Variants in ARL5C observed in about 807,000 individuals in gnomAD.
The protein encoded by ARL5C is putative ADP-ribosylation factor-like protein 5C.
Under a neutral mutation model 20.8 loss-of-function variants are expected in ARL5C, and 21 were observed. That is an observed-to-expected ratio of 1.01 (90% CI 0.72 to 1.46). The LOEUF is 1.46. Among genes scored for constraint, ARL5C ranks in the 40% most tolerant of loss-of-function variants. The pLI is 0.00. For synonymous variants in ARL5C, 71 were observed against 81.6 expected (o/e 0.87, Z 0.70); for missense variants, 199 against 225.1 (o/e 0.88, Z 0.74).
intron 5 of ARL5C, among the ~76,000 whole-genome samples, chr17:39,158,173 GAGGGAGGGAAAGA>G (rs1421795709): frequency 4.1e-5 from 6 of 146,084 alleles, no homozygotes; most frequent in Non-Finnish European, 9.0e-5. Context: ...GTGAGGGAGG[GAGGGAGGGAAAGA>G]AGGGAGGGAA....
intron 5 of ARL5C, among the ~76,000 whole-genome samples, chr17:39,159,118 AACT>A (rs2045421797): frequency 7.8e-6 from 1 of 128,574 alleles, no homozygotes; most frequent in Non-Finnish European, 1.6e-5. Context: ...TGCAGCCTGG[AACT>A]CCTGGGCTCA....
intron 5 of ARL5C, among the ~76,000 whole-genome samples, chr17:39,159,341 G>A (rs2045423455): frequency 1.4e-5 from 2 of 146,432 alleles, no homozygotes; most frequent in South Asian, 4.3e-4. Flanking sequence ...TTGTTGCCCA[G>A]GCTGGAGTGC....
downstream of ARL5C, chr17:39,156,840 C>T (rs1489128321): frequency 4.5e-6 from 7 of 1,544,416 alleles, no homozygotes; most frequent in South Asian, 8.4e-5. Context: ...TGATTTTCCA[C>T]CCATGTTGAC....
At chr17:39,157,052 C>A (rs2045409125) in intron 5 of ARL5C, 110 bp from the exon 6 acceptor site, 3 of 1,151,562 alleles carry the variant, frequency 2.6e-6, no homozygotes, top group Non-Finnish European at 3.7e-6. Context: ...AAGTTACATC[C>A]AATAATTCAA....
intron 5 of ARL5C, 161 bp downstream of exon 5, chr17:39,160,430 T>C (rs2144043665): frequency 1.3e-6 from 1 of 758,690 alleles, no homozygotes; most frequent in East Asian, 2.8e-5. Flanking sequence ...GCTTGTGGCT[T>C]ACCCACCACA....
rs966740474 is a variant in ARL5C, at chr17:39,165,701, T to G, written c.46+14A>C. The G allele has an allele frequency of 6.4e-7, 1 of 1,551,704 alleles. No homozygotes were observed. Among genetic ancestry groups the G allele is most frequent in the African/African-American group, 1.4e-5 (1 of 73,066 alleles). On this transcript the variant is annotated intron_variant, in intron 1 of 5. Coordinates refer to ENST00000269586, the MANE Select transcript of ARL5C (RefSeq NM_001143968.1). Reference sequence around the variant, plus strand: ...GATCAAAGCGCTCGCTTGGATGCCCTGTGCGCCCCTTACCCTGGTTCCCGA... The same window carrying G: ...GATCAAAGCGCTCGCTTGGATGCCCGGTGCGCCCCTTACCCTGGTTCCCGA...
intron 3 of ARL5C, 45 bp from the exon 4 acceptor site, chr17:39,161,396 T>C: frequency 6.6e-7 from 1 of 1,524,504 alleles, no homozygotes; most frequent in South Asian, 1.2e-5. Context: ...TTCTCTTTGG[T>C]AAATGTGTTT....
At chr17:39,157,618 C>T (rs1021774451) in intron 5 of ARL5C, among the ~76,000 whole-genome samples, 3 of 150,796 alleles carry the variant, frequency 2.0e-5, no homozygotes, top group African/African-American at 4.9e-5. Flanking sequence ...GGAGAAAGCC[C>T]GTCTCTACTA....
At chr17:39,158,711 C>T (rs1030438672) in intron 5 of ARL5C, among the ~76,000 whole-genome samples, 1 of 152,076 alleles carries the variant, frequency 6.6e-6, no homozygotes, top group Non-Finnish European at 1.5e-5. Context: ...ATGTAAGGCC[C>T]TTTCTACGTG....
At chr17:39,164,236 T>G (rs1346474894) in intron 2 of ARL5C, 1 of 152,256 alleles carries the variant, frequency 6.6e-6, no homozygotes, top group Non-Finnish European at 1.5e-5. Flanking sequence ...GCCATGGTTT[T>G]GCATTCCTAA....
At chr17:39,163,435 A>G (rs1433043235) in intron 2 of ARL5C, among the ~76,000 whole-genome samples, 1 of 123,802 alleles carries the variant, frequency 8.1e-6, no homozygotes, top group East Asian at 2.6e-4. Flanking sequence ...TTTCTTTCAC[A>G]GAGTCTCACT....
chr17:39,163,549 C>T (rs2045448088), intron 2 of ARL5C, among the ~76,000 whole-genome samples: 2 of 151,642 alleles, frequency 1.3e-5, no homozygotes, highest in Admixed American at 6.6e-5. Flanking sequence ...CACACCCCCA[C>T]GCCAGGCTTA....
intron 2 of ARL5C, among the ~76,000 whole-genome samples, chr17:39,163,890 G>C (rs2045450008): frequency 6.6e-6 from 1 of 151,512 alleles, no homozygotes; most frequent in Admixed American, 6.6e-5. Context: ...TCAGCCTCCA[G>C]AGTAGGTGGG....
chr17:39,166,021 C>A lies in ARL5C; in HGVS notation c.-261G>T, dbSNP rs1295751449. 7.7e-6 allele frequency: 4 copies of A among 516,130 alleles called. No individual in the cohort carries two copies. The highest frequency in any genetic ancestry group is 7.7e-5 in the African/African-American group (4 of 51,978). The allele number at this position is 516,130 out of a possible 1,614,324, so 32.0% of individuals were successfully genotyped here. On this transcript the variant is annotated 5_prime_UTR_variant, in exon 1 of 6. Transcript: ENST00000269586. ...GGAATATGGGGGTTCCAGGCTCCAG[C>A]CCTCCCCCTCGCCCTGCGAAAACTC...
chr17:39,165,851 G>T lies in ARL5C; in HGVS notation c.-91C>A. On this transcript the variant is annotated 5_prime_UTR_variant, in exon 1 of 6. Transcript: ENST00000269586. ...ATTCGGAGCTCCGCTCCCCCGGGAGGGTCTGGCAGATTTTGCCTACGAAGT... is the reference window on the plus strand; with the variant it reads ...ATTCGGAGCTCCGCTCCCCCGGGAGTGTCTGGCAGATTTTGCCTACGAAGT... 6.8e-7 allele frequency: 1 copy of T among 1,472,464 alleles called. No individual in the cohort carries two copies. The allele number at this position is 1,472,464 out of a possible 1,614,324, so 91.2% of individuals were successfully genotyped here.
chr17:39,156,903 A>G lies in ARL5C; in HGVS notation c.531T>C (p.Ala177=). The G allele has an allele frequency of 1.3e-6, 2 of 1,551,896 alleles. No individual in the cohort carries two copies. Among genetic ancestry groups the G allele is most frequent in the Non-Finnish European group, 1.7e-6 (2 of 1,146,986 alleles). The change falls in exon 6 of 6, where the codon GCT becomes GCC. Residue 177 remains alanine, a synonymous_variant. Coordinates refer to ENST00000269586, the MANE Select transcript of ARL5C (RefSeq NM_001143968.1). ...ACCTCAGACTGGAACATCAGTTAGC[A>G]GCGGCCTGAGATTCCATCCACTGAA... ...ARLQWMESQA[A]AN is the part of the protein sequence containing the mutation.
chr17:39,160,188 T>G (rs2045427170), intron 5 of ARL5C: 1 of 157,980 alleles, frequency 6.3e-6, no homozygotes, highest in Admixed American at 6.4e-5. Flanking sequence ...CCAGGCGTGG[T>G]GGCGGGTACC....
intron 5 of ARL5C, among the ~76,000 whole-genome samples, chr17:39,159,019 CTTGTTTTTTTTTTT>C (rs1198276741): frequency 3.4e-4 from 22 of 63,960 alleles, no homozygotes; most frequent in African/African-American, 7.9e-4. Flanking sequence ...TCATTTATCA[CTTGTTTTTTTTTTT>C]TTTTTTTTTT....
At chr17:39,162,365 A>G (rs947285537) in intron 3 of ARL5C, among the ~76,000 whole-genome samples, 5 of 152,058 alleles carry the variant, frequency 3.3e-5, no homozygotes, top group African/African-American at 1.2e-4. Context: ...CAATGGCGTG[A>G]TCTCGGCTCA....
Sources: allele counts gnomAD v4.1 joint callset (sites outside exome capture counted in the v4.1 genomes callset), GRCh38; gene constraint gnomAD v4.1.1; transcripts MANE v1.5; gene names NCBI Gene and HGNC (gene_info 2026-07-23, HGNC 2026-07-21).